TRRAP: variants seen among roughly 807,000 people sequenced by gnomAD.
TRRAP encodes transformation/transcription domain-associated protein.
A neutral mutation model predicts 438.8 loss-of-function variants in TRRAP; 41 were observed. The observed-to-expected ratio is 0.09, with a 90% confidence interval of 0.07 to 0.12. The LOEUF (loss-of-function observed/expected upper bound fraction) is 0.12. Ranked by LOEUF, TRRAP falls within the 10% of genes least tolerant of loss-of-function variation. TRRAP has a pLI of 1.00. For missense variants in TRRAP, 3,122 were observed against 5,055.1 expected (o/e 0.62, Z 11.60); for synonymous variants, 1,994 against 1,962.9 (o/e 1.02, Z -0.42).
chr7:98,915,958 T>A (rs1291207065), intron 19 of TRRAP, 70 bp downstream of exon 19: 1 of 1,576,630 alleles, frequency 6.3e-7, no homozygotes, highest in Non-Finnish European at 8.7e-7. Context: ...CCATCCTGAT[T>A]GCTGGGTTTC....
chr7:98,932,019 A>G (rs1397515977), intron 26 of TRRAP, among the ~76,000 whole-genome samples: 15 of 151,566 alleles, frequency 9.9e-5, no homozygotes, highest in African/African-American at 3.4e-4. Context: ...GGCTCAAGTG[A>G]TCCTCCTGCC....
rs1202863299 is a variant in TRRAP at position 98,940,773 on chromosome 7, C to G, written c.4405-2176C>G. On this transcript the variant is annotated intron_variant, in intron 30 of 72. Coordinates refer to ENST00000456197, the MANE Select transcript of TRRAP (RefSeq NM_001375524.1). ...TGCCTTTGCGCTTAGTGGCAGAGGTCTTCCTGAATTACACCTGCCTGCTGT... is the reference window on the plus strand; with the variant it reads ...TGCCTTTGCGCTTAGTGGCAGAGGTGTTCCTGAATTACACCTGCCTGCTGT... Among the ~76,000 whole-genome samples the G allele has an allele frequency of 2.0e-5, 3 of 152,328 alleles. No individual in the cohort carries two copies. The East Asian group carries it at 5.8e-4, about 29-fold the overall frequency.
In TRRAP at chr7:98,992,592, A is replaced by G. The variant is rs7783467; in HGVS notation, c.9847+365A>G. 2.4e-3 allele frequency among the ~76,000 whole-genome samples: 355 copies of G among 148,580 alleles called. 3 individuals are homozygous for G. The highest frequency in any genetic ancestry group is 2.5e-3 in the Non-Finnish European group (169 of 67,098). ...GTGTGTGTGTGTGTGTGTGTGTTTA[A>G]GTTATGAGGAGTATCTTCAGCTGTG... is the stretch of plus-strand genomic sequence containing the variant. On this transcript the variant is annotated intron_variant, in intron 65 of 72. Transcript: ENST00000456197.
In TRRAP at chr7:98,964,749, C is replaced by T. The variant is rs543871973; in HGVS notation, c.6950C>T (p.Ala2317Val). The T allele has an allele frequency of 4.0e-5, 65 of 1,613,014 alleles. No homozygotes were observed. Among genetic ancestry groups the T allele is most frequent in the African/African-American group, 1.9e-4 (14 of 74,994 alleles). The change falls in exon 48 of 73, where the codon GCG becomes GTG. Residue 2317 changes from alanine to valine, a missense_variant. Physicochemically the swap from Ala to Val is moderately conservative, Grantham distance 64. Around this residue, in one of 24 missense-constraint regions of TRRAP, gnomAD observed 992 missense variants for 1,281.2 expected, o/e 0.77. Coordinates refer to ENST00000456197, the MANE Select transcript of TRRAP (RefSeq NM_001375524.1). ...MVREHLNPQA[A>V]SGSTEATSGT... ...CGGGAGCATTTAAACCCTCAGGCAG[C>T]GTCAGGAAGCACCGAAGCCACCTCA... is the stretch of plus-strand genomic sequence containing the variant.
chr7:98,935,788 G>T, intron 28 of TRRAP, 113 bp downstream of exon 28: 1 of 728,510 alleles, frequency 1.4e-6, no homozygotes. Flanking sequence ...ACTTTTTGTA[G>T]TCTTTTTAAG....
At chr7:98,892,560 G>T in intron 5 of TRRAP, 32 bp downstream of exon 5, 5 of 1,504,148 alleles carry the variant, frequency 3.3e-6, no homozygotes, top group Non-Finnish European at 4.5e-6. Context: ...TTGTCGTATA[G>T]CCGTATGTAA....
intron 21 of TRRAP, among the ~76,000 whole-genome samples, chr7:98,922,866 G>T (rs1789863347): frequency 1.3e-5 from 2 of 152,062 alleles, no homozygotes; most frequent in South Asian, 4.1e-4. Context: ...GTGTAGTACT[G>T]GGTGTGTTTA....
chr7:98,905,367 T>C (rs1584291646), intron 12 of TRRAP, among the ~76,000 whole-genome samples: 1 of 152,138 alleles, frequency 6.6e-6, no homozygotes, highest in East Asian at 1.9e-4. Context: ...TACGAGCTGG[T>C]GGGAAATGTA....
chr7:98,914,154 G>A (rs1392669845), intron 18 of TRRAP, among the ~76,000 whole-genome samples: 6 of 152,096 alleles, frequency 3.9e-5, no homozygotes, highest in African/African-American at 1.4e-4. Flanking sequence ...TAGCACTTCC[G>A]GAGGCTGAGG....
At chr7:98,882,173 C>A in intron 3 of TRRAP, 149 bp downstream of exon 3, 1 of 706,984 alleles carries the variant, frequency 1.4e-6, no homozygotes, top group South Asian at 2.0e-5. Flanking sequence ...AAATCTGAAA[C>A]TTTGTACACA....
At chr7:98,998,792 G>T in intron 67 of TRRAP, 1 of 250,270 alleles carries the variant, frequency 4.0e-6, no homozygotes, top group South Asian at 6.8e-5. Context: ...AGTGCCCTCT[G>T]ACTCACCCTC....
Position 99,012,682 on chromosome 7 carries a change from A to G in TRRAP, c.*327A>G, listed in dbSNP as rs958697860. ...TTTTTATGGTGTCCTCCCTCTGTGA[A>G]TGTACAGGCGGAACTGTACGAACAG... On this transcript the variant is annotated 3_prime_UTR_variant, in exon 73 of 73. Coordinates refer to ENST00000456197, the MANE Select transcript of TRRAP (RefSeq NM_001375524.1). The surrounding 1 kb of genome is among the most constrained non-coding windows in gnomAD (Gnocchi z 5.9). The G allele has an allele frequency of 3.5e-4, 128 of 368,774 alleles. No individual in the cohort carries two copies. The highest frequency in any genetic ancestry group is 2.5e-3 in the African/African-American group (119 of 48,320). 22.8% of individuals were successfully genotyped at this position (368,774 alleles called of 1,614,324 possible).
At chr7:99,001,216 G>C (rs553720626) in intron 67 of TRRAP, among the ~76,000 whole-genome samples, 1 of 152,352 alleles carries the variant, frequency 6.6e-6, no homozygotes, top group East Asian at 1.9e-4. Flanking sequence ...GCAGCTCCCT[G>C]TTCGTGATGT....
rs2116485136 is a variant in TRRAP, at chr7:98,925,147, C to T, written c.2859C>T (p.Ala953=). The T allele has an allele frequency of 6.2e-7, 1 of 1,614,172 alleles. No individual in the cohort carries two copies. The highest frequency in any genetic ancestry group is 8.5e-7 in the Non-Finnish European group (1 of 1,180,024). The change falls in exon 22 of 73, where the codon GCC becomes GCT. Residue 953 remains alanine, a synonymous_variant. Coordinates refer to ENST00000456197, the MANE Select transcript of TRRAP (RefSeq NM_001375524.1). The part of the protein sequence containing the change: ...IETALDCLKS[A]NTEPYYRRQA... ...CTGCTCTGGACTGCCTGAAAAGCGC[C>T]AACACTGAGCCCTACTACCGGAGGC...
intron 6 of TRRAP, among the ~76,000 whole-genome samples, chr7:98,894,783 GTTTTTTTTTTTTTTTT>G (rs56407045): frequency 1.1e-5 from 1 of 87,418 alleles, no homozygotes; most frequent in Non-Finnish European, 2.0e-5. Context: ...CCAGCTAATG[GTTTTTTTTTTTTTTTT>G]TTTTTTTTTG....
chr7:98,969,963 G>A (rs1792336468), intron 51 of TRRAP, 149 bp from the exon 52 acceptor site: 3 of 882,634 alleles, frequency 3.4e-6, no homozygotes, highest in South Asian at 3.4e-5. Context: ...AGCCCGTCTG[G>A]TTGGGGACAG....
intron 20 of TRRAP, among the ~76,000 whole-genome samples, chr7:98,921,072 G>C (rs1789771178): frequency 6.6e-6 from 1 of 152,178 alleles, no homozygotes; most frequent in Non-Finnish European, 1.5e-5. Context: ...ACCGACTTCA[G>C]GTGATCCGCC....
At chr7:98,905,680 G>A (rs1162095820) in intron 12 of TRRAP, among the ~76,000 whole-genome samples, 1 of 152,216 alleles carries the variant, frequency 6.6e-6, no homozygotes, top group Non-Finnish European at 1.5e-5. Context: ...AGGGAATGCA[G>A]AACCGTAACC....
At chr7:98,927,105 C>A in intron 22 of TRRAP, 62 bp from the exon 23 acceptor site, 1 of 1,579,842 alleles carries the variant, frequency 6.3e-7, no homozygotes, top group Non-Finnish European at 8.7e-7. Context: ...AAAAGAAGTC[C>A]TAGTGGAGTC....
Sources: gnomAD v4.1 joint callset for allele counts (sites outside exome capture counted in the v4.1 genomes callset) on GRCh38, gnomAD v4.1.1 for gene constraint, gnomAD v4.1.1 regional missense constraint, Gnocchi (gnomAD v3.1) non-coding constraint, MANE v1.5 for transcripts, NCBI Gene and HGNC (gene_info 2026-07-23, HGNC 2026-07-21) for gene names.